Variants in SMOC1 observed in about 807,000 individuals in gnomAD.
The protein encoded by SMOC1 is SPARC-related modular calcium-binding protein 1.
SMOC1 carries 22 observed loss-of-function variants against 56.3 expected under a neutral mutation model. The ratio of observed to expected loss-of-function variants is 0.39; its 90% confidence interval spans 0.28 to 0.56. The LOEUF is 0.56. Among genes scored for constraint, SMOC1 ranks in the 20% least tolerant of loss-of-function variants. The pLI, the probability that SMOC1 is intolerant of heterozygous loss-of-function variation, is 0.61. For synonymous variants in SMOC1, 193 were observed against 215.0 expected (o/e 0.90, Z 0.89); for missense variants, 509 against 565.4 (o/e 0.90, Z 1.01).
At chr14:69,985,020 T>G (rs1206580152) in intron 5 of SMOC1, among the ~76,000 whole-genome samples, 3 of 147,728 alleles carry the variant, frequency 2.0e-5, no homozygotes, top group Non-Finnish European at 4.5e-5. Flanking sequence ...GGTGATGGAG[T>G]GAGACCCTGT....
chr14:69,975,081 C>T (rs1323549053), intron 3 of SMOC1, among the ~76,000 whole-genome samples: 6 of 152,116 alleles, frequency 3.9e-5, no homozygotes, highest in Admixed American at 1.3e-4. Context: ...CGGTGGCTCA[C>T]GCCTGTAATC....
rs1015412363 is a variant in SMOC1, at chr14:69,972,207, C to T, written c.379-3508C>T. ...GCGGAGCTGGGAGGTGCTGGAAGGCCGGCTGCAGACTGTCTCCATGTAACT... is the reference window on the plus strand; with the variant it reads ...GCGGAGCTGGGAGGTGCTGGAAGGCTGGCTGCAGACTGTCTCCATGTAACT... On this transcript the variant is annotated intron_variant, in intron 3 of 11. Transcript: ENST00000361956. Among the ~76,000 whole-genome samples, 6 of 152,010 alleles carry T rather than the reference C, an allele frequency of 3.9e-5. No homozygotes were observed. In the South Asian group the frequency reaches 6.2e-4, roughly 16 times the overall value.
In SMOC1 at chr14:69,885,259, A is replaced by G. The variant is rs1883764801; in HGVS notation, c.99+5482A>G. 3 of 866,384 alleles carry G rather than the reference A, an allele frequency of 3.5e-6. No homozygotes were observed. The South Asian group carries it at 5.6e-5, about 16-fold the overall frequency. 53.7% of individuals were successfully genotyped at this position (866,384 alleles called of 1,614,324 possible). A position where few individuals can be genotyped will look rare whatever the true frequency, so the allele number is the denominator to read the frequency against. On this transcript the variant is annotated intron_variant, in intron 1 of 11. Coordinates refer to ENST00000361956, the MANE Select transcript of SMOC1 (RefSeq NM_001034852.3). ...TAGGAACGATTACTCTCTCCTTCGAACAACTTCTTTTTTTTTTTTTTTAAG... is the reference window on the plus strand; with the variant it reads ...TAGGAACGATTACTCTCTCCTTCGAGCAACTTCTTTTTTTTTTTTTTTAAG...
At chr14:69,975,247 G>A (rs182509472) in intron 3 of SMOC1, among the ~76,000 whole-genome samples, 447 of 152,248 alleles carry the variant, frequency 2.9e-3, no homozygotes, top group African/African-American at 9.8e-3. Flanking sequence ...GGAGGCTGAG[G>A]CAGGAGAATC....
At chr14:69,984,973 T>C (rs1267868422) in intron 5 of SMOC1, among the ~76,000 whole-genome samples, 2 of 147,172 alleles carry the variant, frequency 1.4e-5, no homozygotes, top group African/African-American at 5.0e-5. Context: ...ACCCAGGAGG[T>C]GGAGGTTGCA....
chr14:70,006,231 T>C (rs779868250), intron 7 of SMOC1, among the ~76,000 whole-genome samples: 3 of 152,358 alleles, frequency 2.0e-5, no homozygotes, highest in Non-Finnish European at 4.4e-5. Context: ...CTGCACCTTC[T>C]TCTATTCAGT....
At chr14:70,010,972 G>T in intron 8 of SMOC1, 26 bp downstream of exon 8, 1 of 1,611,270 alleles carries the variant, frequency 6.2e-7, no homozygotes, top group South Asian at 1.1e-5. Context: ...TGGGTCCTGG[G>T]AAAAACGCAC....
intron 1 of SMOC1, chr14:69,885,568 TC>T: frequency 6.3e-7 from 1 of 1,593,920 alleles, no homozygotes; most frequent in Non-Finnish European, 8.5e-7. Context: ...GGACTAGACG[TC>T]CCAGTCTTGC....
At chr14:69,892,104 T>C (rs17558644) in intron 1 of SMOC1, among the ~76,000 whole-genome samples, 10,724 of 152,326 alleles carry the variant, frequency 0.07, 448 homozygotes, top group Middle Eastern at 0.19. Context: ...TTCAATCCAC[T>C]GAACTTTTAC....
At chr14:69,936,946 A>G (rs1480957383) in intron 1 of SMOC1, among the ~76,000 whole-genome samples, 1 of 152,128 alleles carries the variant, frequency 6.6e-6, no homozygotes, top group Non-Finnish European at 1.5e-5. Flanking sequence ...ATATGTATGT[A>G]TATTTATATA....
chr14:69,943,010 G>A (rs570436821), intron 1 of SMOC1, among the ~76,000 whole-genome samples: 3 of 152,210 alleles, frequency 2.0e-5, no homozygotes, highest in South Asian at 4.1e-4. Flanking sequence ...GCTGCTGGTG[G>A]TGGGGGGCAC....
At chr14:70,024,869 T>C (rs1885864165) in intron 11 of SMOC1, among the ~76,000 whole-genome samples, 1 of 152,070 alleles carries the variant, frequency 6.6e-6, no homozygotes, top group Non-Finnish European at 1.5e-5. Context: ...GGTTTCAGGG[T>C]GGGACATGGA....
intron 3 of SMOC1, among the ~76,000 whole-genome samples, chr14:69,958,193 C>T (rs1173131823): frequency 1.3e-5 from 2 of 152,094 alleles, no homozygotes; most frequent in Non-Finnish European, 2.9e-5. Context: ...TCCAGGAGTT[C>T]AAGGCTATAT....
chr14:69,907,325 A>G (rs937485126), intron 1 of SMOC1, among the ~76,000 whole-genome samples: 8 of 152,192 alleles, frequency 5.3e-5, no homozygotes, highest in Admixed American at 6.5e-5. Context: ...GGAATCTTAG[A>G]TATCATCTTT....
At chr14:70,018,904 G>C (rs1451215344) in intron 10 of SMOC1, among the ~76,000 whole-genome samples, 1 of 152,246 alleles carries the variant, frequency 6.6e-6, no homozygotes. Flanking sequence ...GCGGGGCCTG[G>C]ACCCAACTCC....
At chr14:70,001,450 C>T (rs1342807468) in intron 7 of SMOC1, among the ~76,000 whole-genome samples, 1 of 152,138 alleles carries the variant, frequency 6.6e-6, no homozygotes, top group Non-Finnish European at 1.5e-5. Flanking sequence ...AGTATTTTAT[C>T]ACTGACATTG....
intron 9 of SMOC1, among the ~76,000 whole-genome samples, chr14:70,011,969 C>T (rs970818300): frequency 2.0e-5 from 3 of 152,160 alleles, no homozygotes; most frequent in Non-Finnish European, 4.4e-5. Context: ...AGGCAGATGA[C>T]CCCTGGTGAC....
chr14:69,983,078 C>A, intron 5 of SMOC1, among the ~76,000 whole-genome samples: 1 of 152,202 alleles, frequency 6.6e-6, no homozygotes, highest in East Asian at 1.9e-4. Flanking sequence ...TAGCTAACTG[C>A]TCCGCCAGCT....
chr14:69,955,920 G>A (rs1883169019), intron 3 of SMOC1, among the ~76,000 whole-genome samples: 1 of 152,194 alleles, frequency 6.6e-6, no homozygotes, highest in Non-Finnish European at 1.5e-5. Flanking sequence ...TGGAGTTTGT[G>A]GCCATCGGCT....
Sources: gnomAD v4.1 joint callset for allele counts (sites outside exome capture counted in the v4.1 genomes callset) on GRCh38, gnomAD v4.1.1 for gene constraint, MANE v1.5 for transcripts, NCBI Gene and HGNC (gene_info 2026-07-23, HGNC 2026-07-21) for gene names.